The following MTMR12 variants were observed in gnomAD, a reference collection of about 807,000 sequenced individuals.
MTMR12 encodes myotubularin related protein 12, also known as myotubularin-related protein 12.
A neutral mutation model predicts 96.7 loss-of-function variants in MTMR12; 33 were observed. The observed-to-expected ratio is 0.34, with a 90% confidence interval of 0.26 to 0.46. The LOEUF (loss-of-function observed/expected upper bound fraction) is 0.46. Ranked by LOEUF, MTMR12 falls within the 20% of genes least tolerant of loss-of-function variation. MTMR12 has a pLI of 1.00. For missense variants in MTMR12, 721 were observed against 896.1 expected (o/e 0.80, Z 2.49); for synonymous variants, 298 against 327.2 (o/e 0.91, Z 0.96).
chr5:32,270,095 C>T (rs923422112), intron 5 of MTMR12, among the ~76,000 whole-genome samples: 1 of 152,092 alleles, frequency 6.6e-6, no homozygotes. Flanking sequence ...ATAGGTTTCC[C>T]CTGATGTATT....
At chr5:32,295,643 GGA>G (rs1338471738) in intron 1 of MTMR12, among the ~76,000 whole-genome samples, 13 of 152,270 alleles carry the variant, frequency 8.5e-5, no homozygotes, top group Non-Finnish European at 1.6e-4. Context: ...ATATGTCATA[GGA>G]GTTTACTATG....
At chr5:32,263,065 C>A (rs1307842760) in intron 7 of MTMR12, 48 bp downstream of exon 7, 1 of 1,605,428 alleles carries the variant, frequency 6.2e-7, no homozygotes, top group Non-Finnish European at 8.5e-7. Flanking sequence ...ACACTGTACA[C>A]TTTTAATGGG....
chr5:32,284,347 A>G (rs1750438987), intron 1 of MTMR12, among the ~76,000 whole-genome samples: 1 of 151,920 alleles, frequency 6.6e-6, no homozygotes, highest in African/African-American at 2.4e-5. Context: ...AAGAATAGAA[A>G]AGAAACAATA....
At chr5:32,290,571 C>A (rs957102081) in intron 1 of MTMR12, among the ~76,000 whole-genome samples, 1 of 152,198 alleles carries the variant, frequency 6.6e-6, no homozygotes, top group South Asian at 2.1e-4. Context: ...GCAACATATT[C>A]TTCGTTTGAG....
intron 6 of MTMR12, among the ~76,000 whole-genome samples, chr5:32,265,264 A>G (rs962803049): frequency 3.9e-5 from 6 of 152,258 alleles, no homozygotes; most frequent in Admixed American, 1.3e-4. Flanking sequence ...GCTGGAAGGA[A>G]GTAGAAGAAG....
chr5:32,263,389 T>A, intron 6 of MTMR12, 147 bp from the exon 7 acceptor site: 1 of 956,470 alleles, frequency 1.0e-6, no homozygotes, highest in Non-Finnish European at 1.5e-6. Flanking sequence ...AATCCTAACC[T>A]TGTTCCATTT....
At chr5:32,300,823 C>G (rs900184181) in intron 1 of MTMR12, among the ~76,000 whole-genome samples, 6 of 152,146 alleles carry the variant, frequency 3.9e-5, no homozygotes, top group Non-Finnish European at 8.8e-5. Flanking sequence ...ACCTCTAATC[C>G]CAGCACTCTG....
intron 12 of MTMR12, 110 bp downstream of exon 12, chr5:32,241,947 T>A (rs1446828644): frequency 1.2e-6 from 1 of 865,806 alleles, no homozygotes; most frequent in Admixed American, 2.4e-5. Flanking sequence ...AGGAAGGATT[T>A]CTACACTAAC....
chr5:32,239,204 G>A (rs759533947), intron 12 of MTMR12, 31 bp from the exon 13 acceptor site: 31 of 1,508,208 alleles, frequency 2.1e-5, no homozygotes, highest in Non-Finnish European at 2.7e-5. Flanking sequence ...AGTGCAAAGA[G>A]GAAGGAGGGC....
intron 1 of MTMR12, among the ~76,000 whole-genome samples, chr5:32,285,768 C>T (rs1417692652): frequency 6.6e-6 from 1 of 152,128 alleles, no homozygotes; most frequent in Non-Finnish European, 1.5e-5. Flanking sequence ...TGAGAACTGC[C>T]ACCCATTCTT....
intron 7 of MTMR12, among the ~76,000 whole-genome samples, chr5:32,260,645 C>T (rs980164834): frequency 2.0e-5 from 3 of 148,242 alleles, no homozygotes; most frequent in Non-Finnish European, 3.0e-5. Flanking sequence ...GTGTGGCTGA[C>T]AATGAGGTTC....
In MTMR12 at chr5:32,230,122, GC is replaced by G; in HGVS notation, c.1899del (p.Glu635LysfsTer19). 6.2e-7 allele frequency: 1 copy of G among 1,612,532 alleles called. No individual in the cohort carries two copies. Among genetic ancestry groups the G allele is most frequent in the East Asian group, 2.2e-5 (1 of 44,836 alleles). On this transcript the variant is annotated frameshift_variant, in exon 16 of 16. Transcript: ENST00000382142. LOFTEE classifies it high-confidence loss of function. The stretch of plus-strand genomic sequence containing the variant: ...CGCTGGGCCCAGACTTTGATTTCGG[GC>G]CCCTCGATATGCGGTAACAACAAAC... ...YHGLLLPHIE[G>X]PEIKVWAQRY...
Position 32,229,943 on chromosome 5 carries a change from G to C in MTMR12, c.2079C>G (p.Pro693=), listed in dbSNP as rs1581582333. ...HSQQAPQAEA[P]CLLRNSARLS... ...GGCGGGCAGAGTTCCTCAGCAGGCA[G>C]GGGGCCTCAGCCTGGGGGGCCTGCT... The change falls in exon 16 of 16, where the codon CCC becomes CCG. Residue 693 remains proline (P), a synonymous_variant. Coordinates refer to ENST00000382142, the MANE Select transcript of MTMR12 (RefSeq NM_001040446.3). 2 of 1,612,292 alleles carry C rather than the reference G, an allele frequency of 1.2e-6. No homozygotes were observed. Among genetic ancestry groups the C allele is most frequent in the East Asian group, 4.5e-5 (2 of 44,836 alleles).
At chr5:32,299,350 C>G (rs569608556) in intron 1 of MTMR12, among the ~76,000 whole-genome samples, 1 of 152,178 alleles carries the variant, frequency 6.6e-6, no homozygotes, top group Non-Finnish European at 1.5e-5. Flanking sequence ...AAGCCATGCT[C>G]TTAACTACCA....
At chr5:32,243,621 A>G in intron 10 of MTMR12, 22 bp from the exon 11 acceptor site, 1 of 1,484,650 alleles carries the variant, frequency 6.7e-7, no homozygotes, top group Non-Finnish European at 9.4e-7. Flanking sequence ...AAAAGGAGTA[A>G]AGACGTCAGG....
intron 7 of MTMR12, chr5:32,256,062 G>A (rs1472076651): frequency 4.9e-6 from 1 of 204,294 alleles, no homozygotes; most frequent in Non-Finnish European, 9.8e-6. Context: ...GAGGGGATAG[G>A]AAAATATGAT....
intron 1 of MTMR12, among the ~76,000 whole-genome samples, chr5:32,304,257 T>C (rs1027608753): frequency 2.0e-5 from 3 of 151,808 alleles, no homozygotes; most frequent in African/African-American, 7.3e-5. Flanking sequence ...GAGGCAGAGG[T>C]TGCAGTGAGC....
intron 2 of MTMR12, 120 bp downstream of exon 2, chr5:32,276,562 A>G (rs893537370): frequency 5.0e-6 from 4 of 800,490 alleles, no homozygotes; most frequent in Admixed American, 2.7e-5. Context: ...TTTTCAATTC[A>G]TTACTGTTAT....
At position 32,239,133 on chromosome 5, in the gene MTMR12, C is replaced by T; in HGVS notation, c.1212G>A (p.Leu404=). The T allele has an allele frequency of 1.2e-6, 2 of 1,607,166 alleles. No homozygotes were observed. Among genetic ancestry groups the T allele is most frequent in the Non-Finnish European group, 1.7e-6 (2 of 1,176,580 alleles). Residue 404 remains leucine, a synonymous_variant, in exon 13 of 16, where the codon CTG becomes CTA. Coordinates refer to ENST00000382142, the MANE Select transcript of MTMR12 (RefSeq NM_001040446.3). The part of the protein sequence containing the change: ...ASDLCCLISS[L]VQLMMDPHCR... ...AGTGGGGGTCCATCATCAGTTGCAC[C>T]AGAGAGGAAATGAGACAGCAGAGGT... is the stretch of plus-strand genomic sequence containing the variant.
Sources: allele counts gnomAD v4.1 joint callset (sites outside exome capture counted in the v4.1 genomes callset), GRCh38; gene constraint gnomAD v4.1.1; transcripts MANE v1.5; gene names NCBI Gene and HGNC (gene_info 2026-07-23, HGNC 2026-07-21).